The following DLGAP1 variants were observed in gnomAD, a reference collection of about 807,000 sequenced individuals.
DLGAP1 encodes DLG associated protein 1, also known as disks large-associated protein 1.
Under a neutral mutation model 90.8 loss-of-function variants are expected in DLGAP1, and 11 were observed. That is an observed-to-expected ratio of 0.12 (90% CI 0.08 to 0.20). The LOEUF (loss-of-function observed/expected upper bound fraction) is 0.20. Among genes scored for constraint, DLGAP1 ranks in the 10% least tolerant of loss-of-function variants. The probability of loss-of-function intolerance (pLI) is 1.00; values close to 1 mark genes in which losing one functional copy is unlikely to be tolerated. For missense variants in DLGAP1, 1,050 were observed against 1,333.8 expected (o/e 0.79, Z 3.31); for synonymous variants, 558 against 540.7 (o/e 1.03, Z -0.44).
intron 3 of DLGAP1, among the ~76,000 whole-genome samples, chr18:3,945,077 C>T (rs2072850810): frequency 1.3e-5 from 2 of 152,296 alleles, no homozygotes; most frequent in Non-Finnish European, 2.9e-5. Flanking sequence ...GTTCTGGGGC[C>T]AGATAAGCTG....
At chr18:4,117,507 G>T (rs770813702) in intron 2 of DLGAP1, among the ~76,000 whole-genome samples, 20 of 152,136 alleles carry the variant, frequency 1.3e-4, no homozygotes, top group Admixed American at 1.0e-3. Context: ...GTGCAGCCTC[G>T]TGTTTATATC....
At chr18:3,905,661 G>A (rs767072018) in intron 3 of DLGAP1, among the ~76,000 whole-genome samples, 1 of 152,068 alleles carries the variant, frequency 6.6e-6, no homozygotes, top group Non-Finnish European at 1.5e-5. Flanking sequence ...GTTTTAATGA[G>A]ACAATGCGAT....
chr18:3,644,401 TTTTATTTATTTA>T lies in DLGAP1; in HGVS notation c.1592-62165_1592-62154del, dbSNP rs376019924. 2.7e-5 allele frequency among the ~76,000 whole-genome samples: 4 copies of T among 150,682 alleles called. No individual in the cohort carries two copies. In the South Asian group the frequency reaches 6.3e-4, roughly 24 times the overall value. On this transcript the variant is annotated intron_variant, in intron 7 of 12. Coordinates refer to ENST00000315677, the MANE Select transcript of DLGAP1 (RefSeq NM_004746.4). ...ATTATATGTTTACAATACTATTTTA[TTTTATTTATTTA>T]TTTATTTATTTATTGAGATGGAGTT...
intron 1 of DLGAP1, among the ~76,000 whole-genome samples, chr18:4,332,649 A>G (rs1026292535): frequency 2.0e-5 from 3 of 151,974 alleles, no homozygotes; most frequent in Non-Finnish European, 4.4e-5. Context: ...AGACATTTGA[A>G]TATTTCACAT....
chr18:4,113,170 T>C (rs966571945), intron 2 of DLGAP1, among the ~76,000 whole-genome samples: 3 of 152,198 alleles, frequency 2.0e-5, no homozygotes, highest in Non-Finnish European at 4.4e-5. Context: ...TTTAAATTAT[T>C]TGAGAAATCT....
intron 3 of DLGAP1, among the ~76,000 whole-genome samples, chr18:3,997,977 A>G (rs1351713724): frequency 6.6e-6 from 1 of 152,134 alleles, no homozygotes; most frequent in Non-Finnish European, 1.5e-5. Context: ...AGACCCAGGT[A>G]CATCATCAGA....
intron 1 of DLGAP1, among the ~76,000 whole-genome samples, chr18:4,249,520 C>T (rs946060794): frequency 2.7e-5 from 4 of 148,810 alleles, no homozygotes; most frequent in African/African-American, 9.9e-5. Context: ...AGTCAGGCAA[C>T]ACTTTTACTC....
At chr18:3,522,546 CT>C (rs532794429) in intron 10 of DLGAP1, among the ~76,000 whole-genome samples, 131 of 116,542 alleles carry the variant, frequency 1.1e-3, no homozygotes, top group African/African-American at 1.9e-3. Flanking sequence ...GCAGTCAACT[CT>C]TTTTTTTTTT....
chr18:3,972,493 TCA>T (rs1247005949), intron 3 of DLGAP1, among the ~76,000 whole-genome samples: 5 of 151,480 alleles, frequency 3.3e-5, no homozygotes, highest in African/African-American at 9.7e-5. Context: ...GGCAGTTGAG[TCA>T]CACACACACA....
chr18:3,546,860 A>C (rs191069083), intron 9 of DLGAP1, among the ~76,000 whole-genome samples: 1 of 152,150 alleles, frequency 6.6e-6, no homozygotes, highest in African/African-American at 2.4e-5. Flanking sequence ...GGAAATTATA[A>C]GATAAAAGCA....
chr18:4,117,250 T>C (rs1016069036), intron 2 of DLGAP1, among the ~76,000 whole-genome samples: 4 of 152,244 alleles, frequency 2.6e-5, no homozygotes, highest in Non-Finnish European at 4.4e-5. Flanking sequence ...AGAAAATAAA[T>C]TTCTATTGTT....
chr18:4,263,872 C>CA (rs1184875798), intron 1 of DLGAP1, among the ~76,000 whole-genome samples: 6 of 152,058 alleles, frequency 3.9e-5, no homozygotes, highest in African/African-American at 1.4e-4. Context: ...GATTTATAAA[C>CA]ATTTTCTCTC....
At chr18:4,276,792 A>T (rs1192376524) in intron 1 of DLGAP1, among the ~76,000 whole-genome samples, 1 of 152,202 alleles carries the variant, frequency 6.6e-6, no homozygotes, top group Admixed American at 6.5e-5. Flanking sequence ...TGGTACTCTA[A>T]ATTTTGTGTG....
chr18:4,196,328 G>C (rs1047836304), intron 1 of DLGAP1, among the ~76,000 whole-genome samples: 4 of 152,186 alleles, frequency 2.6e-5, no homozygotes, highest in African/African-American at 9.7e-5. Flanking sequence ...ATGCTTCCAT[G>C]AACACTATGT....
At chr18:4,164,168 C>T (rs1168999810) in intron 1 of DLGAP1, among the ~76,000 whole-genome samples, 1 of 152,072 alleles carries the variant, frequency 6.6e-6, no homozygotes, top group East Asian at 1.9e-4. Flanking sequence ...TGAGTCCTCA[C>T]TAAAATCAAA....
chr18:3,560,505 T>G (rs11081057), intron 9 of DLGAP1, among the ~76,000 whole-genome samples: 139,957 of 142,574 alleles, frequency 0.98, 68,820 homozygotes, highest in East Asian at 1. Flanking sequence ...CAGGAGAATT[T>G]CTTGAACCCG....
At chr18:3,929,563 A>G (rs1364764805) in intron 3 of DLGAP1, among the ~76,000 whole-genome samples, 1 of 152,220 alleles carries the variant, frequency 6.6e-6, no homozygotes, top group Non-Finnish European at 1.5e-5. Context: ...GGCAACAGGA[A>G]GCCTTACTAT....
At chr18:4,113,157 C>T (rs7229464) in intron 2 of DLGAP1, among the ~76,000 whole-genome samples, 70,012 of 151,876 alleles carry the variant, frequency 0.46, 16,586 homozygotes, top group African/African-American at 0.57. Flanking sequence ...ATGGTAGTTC[C>T]GTTTTAAATT....
At chr18:3,893,900 AT>A (rs2071547955) in intron 3 of DLGAP1, among the ~76,000 whole-genome samples, 1 of 152,080 alleles carries the variant, frequency 6.6e-6, no homozygotes, top group African/African-American at 2.4e-5. Flanking sequence ...TGATTTTTTA[AT>A]GATAGCCATT....
Sources: allele counts gnomAD v4.1 joint callset (sites outside exome capture counted in the v4.1 genomes callset), GRCh38; gene constraint gnomAD v4.1.1; transcripts MANE v1.5; gene names NCBI Gene and HGNC (gene_info 2026-07-23, HGNC 2026-07-21).